Variants in IRAG1 observed in about 807,000 individuals in gnomAD.
IRAG1 encodes the protein IP3R-associated cGMP kinase substrate.
IRAG1 carries 62 observed loss-of-function variants against 106.2 expected under a neutral mutation model. The observed-to-expected ratio is 0.58, with a 90% CI of 0.48 to 0.72. The LOEUF (loss-of-function observed/expected upper bound fraction) is 0.72. Ranked by LOEUF, IRAG1 falls within the 30% of genes least tolerant of loss-of-function variation. The pLI is 0.00. For missense variants in IRAG1, 1,064 were observed against 1,140.7 expected, an observed-to-expected ratio of 0.93 and a Z score of 0.97; for synonymous variants, 462 against 443.9, an observed-to-expected ratio of 1.04 and a Z score of -0.51.
chr11:10,627,263 C>T (rs1856314545), intron 8 of IRAG1, among the ~76,000 whole-genome samples: 1 of 152,134 alleles, frequency 6.6e-6, no homozygotes, highest in South Asian at 2.1e-4. Context: ...TCTACTGCTG[C>T]CCTTGAAACA....
chr11:10,693,631 A>T lies in IRAG1; in HGVS notation c.-29T>A, dbSNP rs1385920707. 2 of 1,533,930 alleles carry T rather than the reference A, an allele frequency of 1.3e-6. No individual in the cohort carries two copies. Among genetic ancestry groups the T allele is most frequent in the African/African-American group, 2.7e-5 (2 of 72,980 alleles). ...AGGTCAATGTTACATCTGGCTCCGG[A>T]GCTCAGAGCCGAGAAGCCTCTGGCT... On this transcript the variant is annotated 5_prime_UTR_variant, in exon 1 of 21. Coordinates refer to ENST00000423302, the MANE Select transcript of IRAG1 (RefSeq NM_130385.4).
chr11:10,589,142 AG>A (rs1852360572), intron 18 of IRAG1: 1 of 152,170 alleles, frequency 6.6e-6, no homozygotes, highest in East Asian at 1.9e-4. Context: ...CCTGTGAACT[AG>A]CCACAGGGTA....
chr11:10,597,029 C>T (rs1853394875), intron 15 of IRAG1, among the ~76,000 whole-genome samples: 1 of 152,180 alleles, frequency 6.6e-6, no homozygotes, highest in African/African-American at 2.4e-5. Flanking sequence ...ACAGGGCAAA[C>T]TGCATTCTAG....
chr11:10,621,593 G>T (rs1002992261), intron 10 of IRAG1, among the ~76,000 whole-genome samples: 1 of 152,184 alleles, frequency 6.6e-6, no homozygotes, highest in Non-Finnish European at 1.5e-5. Flanking sequence ...CTTAAAAAAA[G>T]TTTTAAAACT....
rs751454577 is a variant in IRAG1, at chr11:10,626,240, G to C, written c.1094C>G (p.Pro365Arg). 1.9e-6 allele frequency: 3 copies of C among 1,604,656 alleles called. No homozygotes were observed. In the Admixed American group the frequency reaches 5.0e-5, roughly 27 times the overall value. ...VGPPASQGRG[P>R]AGEPMGPEAG... is the part of the protein sequence containing the mutation. ...CTCGGGCCCCATCGGCTCTCCAGCT[G>C]GGCCTCTCCCCTGGGAGGCTGGGGG... The change falls in exon 9 of 21, where the codon CCA becomes CGA. Residue 365 changes from proline to arginine, a missense_variant. Pro to Arg is a moderately radical substitution (Grantham distance 103, BLOSUM62 -2). Coordinates refer to ENST00000423302, the MANE Select transcript of IRAG1 (RefSeq NM_130385.4).
rs77411093 is a variant in IRAG1 at position 10,578,985 on chromosome 11, A to C, written c.2495+1470T>G. On this transcript the variant is annotated intron_variant, in intron 20 of 20. Coordinates refer to ENST00000423302, the MANE Select transcript of IRAG1 (RefSeq NM_130385.4). ...TGCTTGACTGCATTAAAGGGGAGGA[A>C]GGCAATGTGGTGGACTGAGAAATAT... 6.5e-3 allele frequency among the ~76,000 whole-genome samples: 991 copies of C among 152,296 alleles called. 9 individuals are homozygous for C. The highest frequency in any genetic ancestry group is 0.023 in the African/African-American group (943 of 41,552).
intron 1 of IRAG1, among the ~76,000 whole-genome samples, chr11:10,663,084 G>C (rs1194117929): frequency 6.6e-6 from 1 of 152,120 alleles, no homozygotes; most frequent in Non-Finnish European, 1.5e-5. Flanking sequence ...CTGGTGTTTT[G>C]TCCAGGCCCA....
At chr11:10,673,319 G>C (rs1363616060) in intron 1 of IRAG1, among the ~76,000 whole-genome samples, 1 of 152,018 alleles carries the variant, frequency 6.6e-6, no homozygotes, top group Non-Finnish European at 1.5e-5. Context: ...TAAGTTTTAA[G>C]TTTCATGCTA....
Position 10,628,592 on chromosome 11 carries a change from A to G in IRAG1, c.652+159T>C, listed in dbSNP as rs1856447128. ...CTGCCTCCTCTGGGTGGCCCAGCAA[A>G]TGCCCCCCCTGGAGAGGGGTCTTGC... On this transcript the variant is annotated intron_variant, in intron 6 of 20. Transcript: ENST00000423302. This position sits in a 1 kb window ranked among gnomAD's most constrained non-coding sequence, Gnocchi z 4.1. Among the ~76,000 whole-genome samples the G allele has an allele frequency of 6.6e-6, 1 of 151,538 alleles. No homozygotes were observed.
chr11:10,650,184 T>C (rs766662426), intron 2 of IRAG1, among the ~76,000 whole-genome samples: 1 of 152,156 alleles, frequency 6.6e-6, no homozygotes, highest in Non-Finnish European at 1.5e-5. Context: ...GGGATCAAGA[T>C]GTTGTAGAAC....
chr11:10,633,336 A>G (rs897528214), intron 3 of IRAG1, among the ~76,000 whole-genome samples: 6 of 152,044 alleles, frequency 3.9e-5, no homozygotes, highest in African/African-American at 1.4e-4. Context: ...TGGCCTCCCA[A>G]AGTGCTAGGA....
chr11:10,620,696 G>C (rs369874151), intron 10 of IRAG1, among the ~76,000 whole-genome samples: 2 of 152,172 alleles, frequency 1.3e-5, no homozygotes, highest in Non-Finnish European at 2.9e-5. Flanking sequence ...CGGGTAATGC[G>C]TAAGAGAAAG....
chr11:10,581,768 G>C, intron 19 of IRAG1, 99 bp downstream of exon 19: 1 of 1,444,890 alleles, frequency 6.9e-7, no homozygotes, highest in Non-Finnish European at 9.3e-7. Flanking sequence ...TGCGGCCACT[G>C]GTTACTTCCC....
intron 1 of IRAG1, chr11:10,690,129 G>A (rs1400832898): frequency 8.9e-6 from 2 of 224,702 alleles, no homozygotes; most frequent in African/African-American, 2.4e-5. Flanking sequence ...GATGGCTCAC[G>A]CCTATAATCC....
Position 10,665,325 on chromosome 11 carries a change from C to T in IRAG1, c.68-13143G>A, listed in dbSNP as rs780017981. ...AGAAACCCCAGCCCAAACACAGAAC[C>T]TTCTCCCACCTCTCCAGGATGCCTG... On this transcript the variant is annotated intron_variant, in intron 1 of 20. Coordinates refer to ENST00000423302, the MANE Select transcript of IRAG1 (RefSeq NM_130385.4). This position sits in a 1 kb window ranked among gnomAD's most constrained non-coding sequence, Gnocchi z 4.2. Among the ~76,000 whole-genome samples the T allele has an allele frequency of 6.6e-6, 1 of 152,160 alleles. No individual in the cohort carries two copies. Among genetic ancestry groups the T allele is most frequent in the African/African-American group, 2.4e-5 (1 of 41,436 alleles).
intron 2 of IRAG1, among the ~76,000 whole-genome samples, chr11:10,648,866 A>G (rs573398129): frequency 1.3e-5 from 2 of 152,122 alleles, no homozygotes; most frequent in South Asian, 4.1e-4. Context: ...AGTCCTACAG[A>G]TTTTGTGTTT....
Position 10,626,196 on chromosome 11 carries a change from G to A in IRAG1, c.1138C>T (p.Leu380Phe), listed in dbSNP as rs140902618. 1,457 of 1,568,340 alleles carry A rather than the reference G, an allele frequency of 9.3e-4. 8 individuals carry two copies. In the African/African-American group the frequency reaches 0.016, roughly 18 times the overall value. Reference sequence around the variant, plus strand: ...GGGGGCCGGGACACAGTGGGTGGAAGCTCAGCTTTGGAGCCAGCCTCGGGC... The same window carrying A: ...GGGGGCCGGGACACAGTGGGTGGAAACTCAGCTTTGGAGCCAGCCTCGGGC... ...MGPEAGSKAE[L>F]PPTVSRPPLL... The change falls in exon 9 of 21, where the codon CTT becomes TTT. Residue 380 changes from leucine to phenylalanine, a missense_variant. By Grantham distance (22) the Leu-to-Phe change is conservative. Coordinates refer to ENST00000423302, the MANE Select transcript of IRAG1 (RefSeq NM_130385.4).
Position 10,626,495 on chromosome 11 carries a change from T to G in IRAG1, c.839A>C (p.Glu280Ala). The G allele has an allele frequency of 6.2e-7, 1 of 1,613,688 alleles. No individual in the cohort carries two copies. Among genetic ancestry groups the G allele is most frequent in the Non-Finnish European group, 8.5e-7 (1 of 1,179,746 alleles). Reference protein sequence around the residue: ...GRLAPRPPPVEKSKEIAIEQK... With the variant: ...GRLAPRPPPVAKSKEIAIEQK... ...TTCTATTGCAATCTCTTTGGACTTC[T>G]CAACTGGAGGAGGACGAGGAGCCAG... is the stretch of plus-strand genomic sequence containing the variant. Residue 280 changes from glutamate (E) to alanine (A), a missense_variant, in exon 9 of 21, where the codon GAG becomes GCG. Coordinates refer to ENST00000423302, the MANE Select transcript of IRAG1 (RefSeq NM_130385.4).
intron 1 of IRAG1, among the ~76,000 whole-genome samples, chr11:10,689,508 A>T (rs1861903674): frequency 6.6e-6 from 1 of 152,200 alleles, no homozygotes; most frequent in South Asian, 2.1e-4. Context: ...CTTGGGCCAC[A>T]CCACACAAAC....
Sources: gnomAD v4.1 joint callset for allele counts (sites outside exome capture counted in the v4.1 genomes callset) on GRCh38, gnomAD v4.1.1 for gene constraint, Gnocchi (gnomAD v3.1) non-coding constraint, MANE v1.5 for transcripts, NCBI Gene and HGNC (gene_info 2026-07-23, HGNC 2026-07-21) for gene names.